The following METTL25 variants were observed in gnomAD, a reference collection of about 807,000 sequenced individuals.
The protein encoded by METTL25 is probable methyltransferase-like protein 25.
In METTL25, 64 loss-of-function variants were observed where a neutral mutation model predicts 71.6. The ratio of observed to expected loss-of-function variants is 0.89; its 90% CI spans 0.73 to 1.10. The LOEUF (loss-of-function observed/expected upper bound fraction) is 1.10, where lower values mean the gene tolerates loss of function less well. Ranked by LOEUF, METTL25 falls within the 50% of genes least tolerant of loss-of-function variation. The pLI is 0.00. For missense variants in METTL25, 807 were observed against 707.0 expected, an observed-to-expected ratio of 1.14 and a Z score of -1.60; for synonymous variants, 287 against 250.3, an observed-to-expected ratio of 1.15 and a Z score of -1.38.
At chr12:82,447,391 G>A (rs1890833463) in intron 8 of METTL25, among the ~76,000 whole-genome samples, 1 of 152,090 alleles carries the variant, frequency 6.6e-6, no homozygotes, top group African/African-American at 2.4e-5. Flanking sequence ...CATGTATATA[G>A]AAGTATTTTA....
intron 9 of METTL25, among the ~76,000 whole-genome samples, chr12:82,471,381 T>A (rs767055829): frequency 3.0e-4 from 45 of 152,234 alleles, no homozygotes; most frequent in Admixed American, 1.3e-4. Flanking sequence ...GCACCTGCCC[T>A]ATTCTCTATA....
intron 5 of METTL25, among the ~76,000 whole-genome samples, chr12:82,416,469 G>T (rs1227980236): frequency 2.7e-5 from 4 of 147,414 alleles, no homozygotes; most frequent in East Asian, 2.0e-4. Flanking sequence ...TTTGAGACAG[G>T]GTCTCACTCT....
intron 3 of METTL25, among the ~76,000 whole-genome samples, chr12:82,398,253 CTT>C (rs572095749): frequency 7.0e-6 from 1 of 142,492 alleles, no homozygotes. Flanking sequence ...TTTTATTTTT[CTT>C]TTTTTTTTTA....
chr12:82,432,840 T>C (rs934389543), intron 6 of METTL25, among the ~76,000 whole-genome samples: 6 of 142,764 alleles, frequency 4.2e-5, no homozygotes, highest in Non-Finnish European at 7.6e-5. Flanking sequence ...TTGAAAAATA[T>C]TCAAATCTTA....
At chr12:82,411,006 A>T (rs1037481288) in intron 5 of METTL25, among the ~76,000 whole-genome samples, 1 of 152,128 alleles carries the variant, frequency 6.6e-6, no homozygotes, top group Non-Finnish European at 1.5e-5. Flanking sequence ...CCACTAAATC[A>T]TAAGATACAT....
chr12:82,476,867 A>G, intron 10 of METTL25, 149 bp downstream of exon 10: 1 of 550,936 alleles, frequency 1.8e-6, no homozygotes, highest in Non-Finnish European at 3.2e-6. Context: ...TCAGGACTAT[A>G]TTAGGTGTCA....
At chr12:82,470,232 G>A (rs1592778375) in intron 9 of METTL25, among the ~76,000 whole-genome samples, 1 of 152,036 alleles carries the variant, frequency 6.6e-6, no homozygotes, top group African/African-American at 2.4e-5. Flanking sequence ...ACATTTCTTA[G>A]GTTCCTGCAA....
intron 5 of METTL25, among the ~76,000 whole-genome samples, chr12:82,416,288 T>C (rs536614998): frequency 6.6e-6 from 1 of 152,258 alleles, no homozygotes; most frequent in East Asian, 1.9e-4. Flanking sequence ...TTCTGATCAT[T>C]TAAGAGCAGA....
At chr12:82,416,856 C>G (rs1470741859) in intron 5 of METTL25, among the ~76,000 whole-genome samples, 1 of 152,058 alleles carries the variant, frequency 6.6e-6, no homozygotes, top group Non-Finnish European at 1.5e-5. Context: ...GTGTTTAATA[C>G]ACCTTTTATC....
chr12:82,458,039 A>G (rs1891615239), intron 9 of METTL25, among the ~76,000 whole-genome samples: 1 of 152,112 alleles, frequency 6.6e-6, no homozygotes, highest in Non-Finnish European at 1.5e-5. Flanking sequence ...TAAGAGCTAC[A>G]GTTTTACTTA....
intron 5 of METTL25, among the ~76,000 whole-genome samples, chr12:82,410,638 C>G (rs1033327158): frequency 1.3e-5 from 2 of 151,858 alleles, no homozygotes; most frequent in African/African-American, 4.8e-5. Flanking sequence ...AGGGAAATCT[C>G]TATGGATCAA....
intron 8 of METTL25, chr12:82,451,426 T>G (rs1891138513): frequency 4.9e-6 from 1 of 204,714 alleles, no homozygotes; most frequent in African/African-American, 2.4e-5. Context: ...TGCCTAAGTT[T>G]TCCCATCTGT....
intron 5 of METTL25, among the ~76,000 whole-genome samples, chr12:82,406,672 A>G (rs1364685073): frequency 6.6e-6 from 1 of 152,196 alleles, no homozygotes; most frequent in Non-Finnish European, 1.5e-5. Context: ...ATATGGCACT[A>G]GTGTTCATCT....
intron 9 of METTL25, among the ~76,000 whole-genome samples, chr12:82,466,805 A>G (rs953586564): frequency 2.4e-4 from 36 of 151,956 alleles, no homozygotes; most frequent in Admixed American, 1.3e-3. Context: ...TAAAATTGTC[A>G]TATTCTTTTG....
At chr12:82,386,101 T>G (rs1368297094) in intron 1 of METTL25, among the ~76,000 whole-genome samples, 2 of 152,130 alleles carry the variant, frequency 1.3e-5, no homozygotes, top group African/African-American at 4.8e-5. Context: ...AAAGTCTGGT[T>G]TAAAACTGGC....
intron 1 of METTL25, 98 bp downstream of exon 1, chr12:82,358,922 T>G (rs1222874764): frequency 4.9e-6 from 7 of 1,426,230 alleles, no homozygotes; most frequent in Non-Finnish European, 5.7e-6. Flanking sequence ...ACCAGGTGCG[T>G]GGCGGCGGAG....
At chr12:82,435,307 G>C (rs1889835401) in intron 7 of METTL25, among the ~76,000 whole-genome samples, 1 of 151,106 alleles carries the variant, frequency 6.6e-6, no homozygotes, top group Admixed American at 6.6e-5. Flanking sequence ...CTAAAGTTTA[G>C]AAATATTTCT....
intron 8 of METTL25, among the ~76,000 whole-genome samples, chr12:82,440,994 G>A (rs1238212208): frequency 6.6e-6 from 1 of 152,014 alleles, no homozygotes; most frequent in East Asian, 1.9e-4. Flanking sequence ...GAGAGGGTGA[G>A]CACAGCTTTC....
At chr12:82,459,594 T>C (rs1400384180) in intron 9 of METTL25, among the ~76,000 whole-genome samples, 3 of 152,136 alleles carry the variant, frequency 2.0e-5, no homozygotes, top group African/African-American at 7.2e-5. Context: ...GCCACTGCAC[T>C]TCAGCCTGGA....
Sources: allele counts gnomAD v4.1 joint callset (sites outside exome capture counted in the v4.1 genomes callset), GRCh38; gene constraint gnomAD v4.1.1; transcripts MANE v1.5; gene names NCBI Gene and HGNC (gene_info 2026-07-23, HGNC 2026-07-21).